CD8B2: variants seen among roughly 807,000 people sequenced by gnomAD.
The protein encoded by CD8B2 is T-cell surface glycoprotein CD8 beta-2 chain.
Under a neutral mutation model 23.7 loss-of-function variants are expected in CD8B2, and 11 were observed. That is an observed-to-expected ratio of 0.46 (90% confidence interval 0.29 to 0.77). The LOEUF (loss-of-function observed/expected upper bound fraction) is 0.77, where lower values mean the gene tolerates loss of function less well. Among genes scored for constraint, CD8B2 ranks in the 30% least tolerant of loss-of-function variants. The pLI, the probability that CD8B2 is intolerant of heterozygous loss-of-function variation, is 0.09. For missense variants in CD8B2, 197 were observed against 270.5 expected (o/e 0.73, Z 1.91); for synonymous variants, 90 against 109.3 (o/e 0.82, Z 1.10).
intron 5 of CD8B2, among the ~76,000 whole-genome samples, chr2:106,534,399 C>CCAACAA: frequency 6.6e-6 from 1 of 152,120 alleles, no homozygotes; most frequent in Admixed American, 6.6e-5. Context: ...AGATCCGATG[C>CCAACAA]CAACAACAAC....
intron 3 of CD8B2, among the ~76,000 whole-genome samples, chr2:106,500,457 T>C (rs1455176967): frequency 6.6e-6 from 1 of 150,622 alleles, no homozygotes; most frequent in Non-Finnish European, 1.5e-5. Flanking sequence ...AGGCAGAGGT[T>C]GCGGTGAGCC....
intron 5 of CD8B2, among the ~76,000 whole-genome samples, chr2:106,538,479 G>A (rs1680124381): frequency 6.6e-6 from 1 of 152,082 alleles, no homozygotes; most frequent in Non-Finnish European, 1.5e-5. Context: ...TATTAGCAGT[G>A]ATTAAAATTT....
intron 5 of CD8B2, among the ~76,000 whole-genome samples, chr2:106,504,552 C>T (rs1244125956): frequency 6.7e-6 from 1 of 149,116 alleles, no homozygotes; most frequent in Non-Finnish European, 1.5e-5. Context: ...TACCACTGCA[C>T]TCCAGCCTGG....
intron 5 of CD8B2, among the ~76,000 whole-genome samples, chr2:106,535,679 G>T (rs1680076796): frequency 6.6e-6 from 1 of 152,150 alleles, no homozygotes; most frequent in South Asian, 2.1e-4. Context: ...CTCAACAGGG[G>T]AGCTGGACAT....
chr2:106,538,398 C>G (rs1006938411), intron 5 of CD8B2, among the ~76,000 whole-genome samples: 1 of 152,082 alleles, frequency 6.6e-6, no homozygotes, highest in Non-Finnish European at 1.5e-5. Context: ...TTTCTCTTTA[C>G]TTGTTCTTAA....
At position 106,503,033 on chromosome 2, in the gene CD8B2, A is replaced by G. The variant is rs566773606; in HGVS notation, c.583+470A>G. Among the ~76,000 whole-genome samples the G allele has an allele frequency of 5.5e-3, 820 of 149,758 alleles. 6 individuals carry two copies. Among genetic ancestry groups the G allele is most frequent in the South Asian group, 0.02 (92 of 4,534 alleles). On this transcript the variant is annotated intron_variant, in intron 4 of 5. Coordinates refer to ENST00000643224, the MANE Select transcript of CD8B2 (RefSeq NM_001349727.2). Reference sequence around the variant, plus strand: ...TAGAAATCCTCTCCACGACACCGATATTGATGAGGCTGTGGGAAACAGAAA... The same window carrying G: ...TAGAAATCCTCTCCACGACACCGATGTTGATGAGGCTGTGGGAAACAGAAA...
Position 106,497,258 on chromosome 2 carries a change from G to C in CD8B2, c.493+996G>C, listed in dbSNP as rs550450835. On this transcript the variant is annotated intron_variant, in intron 3 of 5. Transcript: ENST00000643224. ...ACTGCACTCCAGCCTGGGTGATAGA[G>C]CCAGGCCCTCTCTCAAAAAAAAGTT... Among the ~76,000 whole-genome samples the C allele has an allele frequency of 3.3e-5, 5 of 152,310 alleles. No homozygotes were observed. In the South Asian group the frequency reaches 1.0e-3, roughly 32 times the overall value.
chr2:106,515,272 T>C (rs1279088681), downstream of CD8B2, among the ~76,000 whole-genome samples: 7 of 152,240 alleles, frequency 4.6e-5, no homozygotes, highest in Non-Finnish European at 1.0e-4. Flanking sequence ...CAGCTAACAC[T>C]GGACAGATAT....
rs1176847385 is a variant in CD8B2, at chr2:106,510,115, T to C, written c.*3175T>C. On this transcript the variant is annotated 3_prime_UTR_variant, in exon 6 of 6. Coordinates refer to ENST00000643224, the MANE Select transcript of CD8B2 (RefSeq NM_001349727.2). ...ATTCTTAATACAATATATGGCGCAATACGTAGTCACTGTTAAAATTCAAGC... is the reference window on the plus strand; with the variant it reads ...ATTCTTAATACAATATATGGCGCAACACGTAGTCACTGTTAAAATTCAAGC... The C allele has an allele frequency of 6.6e-6, 1 of 152,196 alleles. No homozygotes were observed. Among genetic ancestry groups the C allele is most frequent in the Non-Finnish European group, 1.5e-5 (1 of 68,040 alleles). The allele number at this position is 152,196 out of a possible 1,614,324, so 9.4% of individuals were successfully genotyped here. A position where few individuals can be genotyped will look rare whatever the true frequency, so the allele number is the denominator to read the frequency against.
At chr2:106,495,401 C>A (rs978586277) in intron 2 of CD8B2, among the ~76,000 whole-genome samples, 3 of 151,986 alleles carry the variant, frequency 2.0e-5, no homozygotes, top group African/African-American at 7.2e-5. Context: ...ACGACGAATG[C>A]AGTGGTACGC....
chr2:106,502,796 C>T (rs572285662), intron 4 of CD8B2, among the ~76,000 whole-genome samples: 1 of 152,068 alleles, frequency 6.6e-6, no homozygotes, highest in African/African-American at 2.4e-5. Flanking sequence ...GTGGCTGTTT[C>T]CTGATCCAGT....
At position 106,487,468 on chromosome 2, in the gene CD8B2, A is replaced by C; in HGVS notation, c.42A>C (p.Thr14=). 3 of 1,245,744 alleles carry C rather than the reference A, an allele frequency of 2.4e-6. No individual in the cohort carries two copies. Among genetic ancestry groups the C allele is most frequent in the Non-Finnish European group, 3.0e-6 (3 of 996,262 alleles). The allele number at this position is 1,245,744 out of a possible 1,614,324, so 77.2% of individuals were successfully genotyped here. Residue 14 remains threonine, a splice_region_variant and synonymous_variant, in exon 1 of 6, where the codon ACA becomes ACC. Transcript: ENST00000643224. ...RLWLLLAAQL[T]VLHGNSVLQQ... ...GGCTCCTCCTGGCCGCGCAGCTGAC[A>C]GGTAAGGCGGCGGCGCGCGGGCTGC...
At chr2:106,493,173 C>T (rs942843402) in intron 2 of CD8B2, among the ~76,000 whole-genome samples, 6 of 152,188 alleles carry the variant, frequency 3.9e-5, no homozygotes, top group Non-Finnish European at 7.3e-5. Flanking sequence ...ATCAGACCTT[C>T]TTCGGAGCCG....
intron 5 of CD8B2, among the ~76,000 whole-genome samples, chr2:106,537,564 A>T (rs72933194): frequency 0.083 from 12,601 of 152,272 alleles, 1,192 homozygotes; most frequent in East Asian, 0.52. Context: ...TTGAATCCAC[A>T]TATGCTTAAA....
intron 5 of CD8B2, chr2:106,521,945 A>T (rs1365333698): frequency 6.6e-6 from 1 of 152,254 alleles, no homozygotes; most frequent in Non-Finnish European, 1.5e-5. Flanking sequence ...TGCACTTCTA[A>T]CAGTTTCCCA....
downstream of CD8B2, among the ~76,000 whole-genome samples, chr2:106,511,905 G>A (rs188996162): frequency 0.017 from 2,521 of 152,316 alleles, 62 homozygotes; most frequent in African/African-American, 0.057. Flanking sequence ...TGTGATTCCT[G>A]TAAAGCTGAA....
At chr2:106,542,033 C>T (rs1680181726) in intron 5 of CD8B2, among the ~76,000 whole-genome samples, 1 of 152,246 alleles carries the variant, frequency 6.6e-6, no homozygotes, top group Admixed American at 6.5e-5. Context: ...ACTTTTCCTT[C>T]TTCCAACTCT....
intron 5 of CD8B2, among the ~76,000 whole-genome samples, chr2:106,534,190 A>G (rs757412892): frequency 1.3e-5 from 2 of 152,202 alleles, no homozygotes; most frequent in African/African-American, 2.4e-5. Flanking sequence ...CATGCTCCCC[A>G]GCCTTCACTG....
chr2:106,538,693 G>A (rs912577538), intron 5 of CD8B2, among the ~76,000 whole-genome samples: 10 of 152,136 alleles, frequency 6.6e-5, no homozygotes, highest in African/African-American at 2.4e-4. Flanking sequence ...GCTGGCTTCC[G>A]TGTGTCCAGG....
Sources: allele counts gnomAD v4.1 joint callset (sites outside exome capture counted in the v4.1 genomes callset), GRCh38; gene constraint gnomAD v4.1.1; transcripts MANE v1.5; gene names NCBI Gene and HGNC (gene_info 2026-07-23, HGNC 2026-07-21).